TTC17: variants seen among roughly 807,000 people sequenced by gnomAD.
The protein encoded by TTC17 is tetratricopeptide repeat domain 17.
TTC17 carries 58 observed loss-of-function variants against 143.8 expected under a neutral mutation model. The ratio of observed to expected loss-of-function variants is 0.40; its 90% CI spans 0.33 to 0.50. The LOEUF (loss-of-function observed/expected upper bound fraction) is 0.50. Among genes scored for constraint, TTC17 ranks in the 20% least tolerant of loss-of-function variants. TTC17 has a pLI of 0.49. For missense variants in TTC17, 1,273 were observed against 1,392.5 expected (o/e 0.91, Z 1.37); for synonymous variants, 501 against 497.8 (o/e 1.01, Z -0.09).
chr11:43,438,824 C>A (rs974221520), intron 16 of TTC17, among the ~76,000 whole-genome samples: 1 of 152,218 alleles, frequency 6.6e-6, no homozygotes, highest in Non-Finnish European at 1.5e-5. Context: ...AATATAGTCA[C>A]CTTCTGTTAA....
At chr11:43,364,559 C>G (rs538580527) in intron 1 of TTC17, among the ~76,000 whole-genome samples, 3 of 152,168 alleles carry the variant, frequency 2.0e-5, no homozygotes, top group African/African-American at 7.2e-5. Context: ...CTGGAGAGGT[C>G]ATGGTGGTTA....
At chr11:43,467,361 AT>A (rs1947996218) in intron 21 of TTC17, among the ~76,000 whole-genome samples, 1 of 152,214 alleles carries the variant, frequency 6.6e-6, no homozygotes, top group African/African-American at 2.4e-5. Flanking sequence ...ATTCCAACAC[AT>A]GCTACAACAT....
At chr11:43,491,789 G>C (rs933855019) in intron 22 of TTC17, 2 of 550,278 alleles carry the variant, frequency 3.6e-6, no homozygotes, top group Non-Finnish European at 6.5e-6. Context: ...ACATTTTGTT[G>C]TGTTTGTTTT....
chr11:43,388,200 G>A (rs1175516708), intron 2 of TTC17, among the ~76,000 whole-genome samples: 1 of 152,164 alleles, frequency 6.6e-6, no homozygotes, highest in South Asian at 2.1e-4. Flanking sequence ...CAGGAAAATG[G>A]ATAAATACAT....
intron 21 of TTC17, among the ~76,000 whole-genome samples, chr11:43,471,213 A>G (rs1948086215): frequency 6.6e-6 from 1 of 152,172 alleles, no homozygotes; most frequent in Non-Finnish European, 1.5e-5. Context: ...ACCAGCTTGT[A>G]TGCCAGGTTA....
Position 43,381,604 on chromosome 11 carries a change from C to T in TTC17, c.249+2282C>T, listed in dbSNP as rs1856972050. 5.9e-5 allele frequency among the ~76,000 whole-genome samples: 9 copies of T among 152,242 alleles called. No homozygotes were observed. The South Asian group carries it at 1.9e-3, about 32-fold the overall frequency. Reference sequence around the variant, plus strand: ...TAACCCTGATAACCAAAAAAAGGAACTGAATCATCCAATAGTTCAATAATT... The same window carrying T: ...TAACCCTGATAACCAAAAAAAGGAATTGAATCATCCAATAGTTCAATAATT... On this transcript the variant is annotated intron_variant, in intron 2 of 23. Transcript: ENST00000039989.
intron 21 of TTC17, among the ~76,000 whole-genome samples, chr11:43,454,150 C>T (rs1947717636): frequency 6.6e-6 from 1 of 152,066 alleles, no homozygotes; most frequent in Non-Finnish European, 1.5e-5. Context: ...AAAATAAGCT[C>T]ACTGATTACT....
intron 21 of TTC17, among the ~76,000 whole-genome samples, chr11:43,484,028 G>A (rs1268739226): frequency 1.3e-5 from 2 of 152,152 alleles, no homozygotes; most frequent in Non-Finnish European, 2.9e-5. Context: ...TGTAATCCCA[G>A]CTATTCAGGA....
chr11:43,444,359 TG>T, intron 18 of TTC17, 150 bp downstream of exon 18: 1 of 659,410 alleles, frequency 1.5e-6, no homozygotes, highest in Non-Finnish European at 2.3e-6. Context: ...TCTGTATCAA[TG>T]AAAAAAATGT....
At chr11:43,434,804 T>A (rs1410751216) in intron 16 of TTC17, among the ~76,000 whole-genome samples, 1 of 152,216 alleles carries the variant, frequency 6.6e-6, no homozygotes, top group Non-Finnish European at 1.5e-5. Flanking sequence ...TGACATAGTC[T>A]TGTTAAATAT....
Position 43,385,074 on chromosome 11 carries a change from C to T in TTC17, c.250-4578C>T, listed in dbSNP as rs1023753778. 2.6e-5 allele frequency among the ~76,000 whole-genome samples: 4 copies of T among 152,088 alleles called. No individual in the cohort carries two copies. The East Asian group carries it at 7.7e-4, about 29-fold the overall frequency. ...TTTATATCAAGACAGCAAAAACTAA[C>T]AGAATTACATGAAAAGTCAACCAGA... On this transcript the variant is annotated intron_variant, in intron 2 of 23. Coordinates refer to ENST00000039989, the MANE Select transcript of TTC17 (RefSeq NM_018259.6).
At chr11:43,407,319 C>G in intron 14 of TTC17, 34 bp from the exon 15 acceptor site, 1 of 1,601,330 alleles carries the variant, frequency 6.2e-7, no homozygotes, top group Non-Finnish European at 8.5e-7. Context: ...GTACTGTATT[C>G]TTGTACTAAC....
intron 21 of TTC17, among the ~76,000 whole-genome samples, chr11:43,479,582 A>G (rs1364696652): frequency 6.6e-6 from 1 of 152,262 alleles, no homozygotes; most frequent in Admixed American, 6.5e-5. Context: ...ACCTACATAC[A>G]TTATAGTAGA....
chr11:43,469,026 T>G (rs1948037684), intron 21 of TTC17, among the ~76,000 whole-genome samples: 2 of 152,256 alleles, frequency 1.3e-5, no homozygotes, highest in African/African-American at 4.8e-5. Context: ...AATTTAGTAA[T>G]TTTTAAAAAG....
At chr11:43,435,870 T>C (rs1947280315) in intron 16 of TTC17, among the ~76,000 whole-genome samples, 1 of 152,228 alleles carries the variant, frequency 6.6e-6, no homozygotes, top group Admixed American at 6.5e-5. Context: ...AAATATTTCA[T>C]GGCCATTATG....
rs1262581165 is a variant in TTC17, at chr11:43,458,568, G to A, written c.3030+7303G>A. Among the ~76,000 whole-genome samples the A allele has an allele frequency of 2.6e-5, 4 of 152,074 alleles. 1 individual carries two copies. The South Asian group carries it at 8.3e-4, about 32-fold the overall frequency. ...GAAGAGGAGGGCAGATAGAATTTTAGGGCATCTCTCATTTGCCTGAGTCTT... is the reference window on the plus strand; with the variant it reads ...GAAGAGGAGGGCAGATAGAATTTTAAGGCATCTCTCATTTGCCTGAGTCTT... On this transcript the variant is annotated intron_variant, in intron 21 of 23. Transcript: ENST00000039989.
chr11:43,464,861 G>C (rs1479512491), intron 21 of TTC17, among the ~76,000 whole-genome samples: 1 of 152,198 alleles, frequency 6.6e-6, no homozygotes, highest in Non-Finnish European at 1.5e-5. Flanking sequence ...CTAAGGTCCT[G>C]CTGAGAAGGG....
rs796582731 is a variant in TTC17 at position 43,487,634 on chromosome 11, CT to C, written c.3031-2601del. ...GTGGTTTTAAATCCAACCAAGCTGT[CT>C]TTTAGCTCTGAAAGCACCAGACAGA... On this transcript the variant is annotated intron_variant, in intron 21 of 23. Coordinates refer to ENST00000039989, the MANE Select transcript of TTC17 (RefSeq NM_018259.6). Among the ~76,000 whole-genome samples the C allele has an allele frequency of 5.9e-5, 9 of 152,334 alleles. No homozygotes were observed. The South Asian group carries it at 1.9e-3, about 32-fold the overall frequency.
chr11:43,434,762 TAAAA>T (rs1947247468), intron 16 of TTC17, among the ~76,000 whole-genome samples: 2 of 152,228 alleles, frequency 1.3e-5, no homozygotes, highest in Non-Finnish European at 2.9e-5. Context: ...TCTTGAGAGC[TAAAA>T]CTCTTAAAAC....
Sources: gnomAD v4.1 joint callset for allele counts (sites outside exome capture counted in the v4.1 genomes callset) on GRCh38, gnomAD v4.1.1 for gene constraint, MANE v1.5 for transcripts, NCBI Gene and HGNC (gene_info 2026-07-23, HGNC 2026-07-21) for gene names.